Variants in B9D1 observed in about 807,000 individuals in gnomAD.
The protein encoded by B9D1 is B9 domain-containing protein 1.
In B9D1, 20 loss-of-function variants were observed where a neutral mutation model predicts 26.1. That is an observed-to-expected ratio of 0.77 (90% CI 0.54 to 1.12). B9D1 has a LOEUF of 1.12. Among genes scored for constraint, B9D1 ranks in the 50% most tolerant of loss-of-function variants. The pLI, the probability that B9D1 is intolerant of heterozygous loss-of-function variation, is 0.00. For missense variants in B9D1, 260 were observed against 273.7 expected (o/e 0.95, Z 0.35); for synonymous variants, 105 against 103.1 (o/e 1.02, Z -0.11).
chr17:19,349,760 T>C (rs1909341242), intron 3 of B9D1, among the ~76,000 whole-genome samples: 1 of 152,158 alleles, frequency 6.6e-6, no homozygotes, highest in African/African-American at 2.4e-5. Flanking sequence ...AGTGATGTCT[T>C]TGAATGAACA....
chr17:19,343,825 T>A lies in B9D1; in HGVS notation c.437A>T (p.Asp146Val). ...TTCACCCTGAGCCACCACCTTGGGG[T>A]CTGTGTACTCGGGCCGCCGCCCCAT... ...WFMGRRPEYT[D>V]PKVVAQGEGR... is the part of the protein sequence containing the mutation. The change falls in exon 6 of 7, where the codon GAC (aspartate) becomes GTC (valine). Residue 146 changes from aspartate to valine, a missense_variant. By Grantham distance (152) the Asp-to-Val change is radical. Transcript: ENST00000261499. 6.2e-7 allele frequency: 1 copy of A among 1,613,878 alleles called. No homozygotes were observed. Among genetic ancestry groups the A allele is most frequent in the Non-Finnish European group, 8.5e-7 (1 of 1,179,948 alleles).
intron 3 of B9D1, among the ~76,000 whole-genome samples, chr17:19,352,552 G>A (rs1288681683): frequency 7.3e-4 from 89 of 122,408 alleles, no homozygotes; most frequent in African/African-American, 2.3e-3. Flanking sequence ...ACGGAGTTTC[G>A]CTCTTGTTGC....
chr17:19,354,354 T>C (rs969297384), intron 3 of B9D1, among the ~76,000 whole-genome samples: 5 of 152,226 alleles, frequency 3.3e-5, no homozygotes, highest in African/African-American at 1.2e-4. Context: ...AATTTCAAAG[T>C]AAATCACAGA....
chr17:19,368,463 G>T (rs1342838037), intron 1 of B9D1, among the ~76,000 whole-genome samples: 1 of 152,110 alleles, frequency 6.6e-6, no homozygotes, highest in African/African-American at 2.4e-5. Flanking sequence ...TGGGCTGTTT[G>T]CTTAACCTCT....
intron 5 of B9D1, among the ~76,000 whole-genome samples, chr17:19,344,971 A>G (rs1465678734): frequency 6.6e-6 from 1 of 152,122 alleles, no homozygotes; most frequent in Non-Finnish European, 1.5e-5. Flanking sequence ...CACAGCACCC[A>G]CCTCACAAGA....
chr17:19,349,345 C>T (rs1277351885), intron 3 of B9D1, among the ~76,000 whole-genome samples: 1 of 151,872 alleles, frequency 6.6e-6, no homozygotes. Flanking sequence ...AGTCTCTTGC[C>T]CGGTTTTCTA....
chr17:19,377,796 T>G, intron 1 of B9D1: 1 of 979,780 alleles, frequency 1.0e-6, no homozygotes, highest in Non-Finnish European at 1.2e-6. Context: ...CCGCCTCGGT[T>G]AACTCCGCTG....
chr17:19,345,386 G>A (rs771674377), intron 5 of B9D1, among the ~76,000 whole-genome samples: 35 of 152,200 alleles, frequency 2.3e-4, no homozygotes, highest in Non-Finnish European at 4.9e-4. Context: ...CTGGAGGGGT[G>A]GCAGCAGGCT....
downstream of B9D1, among the ~76,000 whole-genome samples, chr17:19,338,724 G>A (rs1907666844): frequency 6.6e-6 from 1 of 152,172 alleles, no homozygotes; most frequent in Non-Finnish European, 1.5e-5. Flanking sequence ...GGCCACATGG[G>A]GGAGAACGGA....
At chr17:19,357,458 G>T in intron 3 of B9D1, 1 of 337,346 alleles carries the variant, frequency 3.0e-6, no homozygotes, top group Non-Finnish European at 5.8e-6. Context: ...AGCACAGGAG[G>T]AGAAAGTGCC....
intron 1 of B9D1, among the ~76,000 whole-genome samples, chr17:19,375,370 C>T (rs768398783): frequency 1.3e-5 from 2 of 151,904 alleles, no homozygotes; most frequent in Non-Finnish European, 2.9e-5. Context: ...GCCAATAAAC[C>T]GTGAAAACAT....
upstream of B9D1, among the ~76,000 whole-genome samples, chr17:19,366,317 G>A (rs1416544660): frequency 6.6e-6 from 1 of 151,972 alleles, no homozygotes; most frequent in Non-Finnish European, 1.5e-5. Context: ...TTGGCGCTGG[G>A]GTCTCCAGAT....
At chr17:19,337,456 G>C (rs1163605453), downstream of B9D1, 3 of 433,234 alleles carry the variant, frequency 6.9e-6, no homozygotes, top group Non-Finnish European at 1.3e-5. Context: ...GGACTGCCCT[G>C]CAGCCCTCTG....
downstream of B9D1, among the ~76,000 whole-genome samples, chr17:19,338,003 C>G (rs1907593593): frequency 6.6e-6 from 1 of 152,216 alleles, no homozygotes; most frequent in Non-Finnish European, 1.5e-5. Flanking sequence ...GTCTTCTTCT[C>G]AAACATAGAC....
Position 19,370,544 on chromosome 17 carries a change from G to A in B9D1, c.-298+7315C>T, listed in dbSNP as rs1911841279. ...GGGCGATGTCAGCCTCAGTGTGTTT[G>A]CTCAGCTGCTGGGCTCTCTTGGGAC... On this transcript the variant is annotated intron_variant, in intron 1 of 5. Transcript: ENST00000477478. This position sits in a 1 kb window ranked among gnomAD's most constrained non-coding sequence, Gnocchi z 5.1. 6.6e-6 allele frequency among the ~76,000 whole-genome samples: 1 copy of A among 152,226 alleles called. No homozygotes were observed. The highest frequency in any genetic ancestry group is 1.5e-5 in the Non-Finnish European group (1 of 68,034).
chr17:19,377,785 G>C (rs1017955167), intron 1 of B9D1: 71 of 973,302 alleles, frequency 7.3e-5, no homozygotes, highest in Middle Eastern at 1.1e-3. Context: ...AGGTTGGGCG[G>C]CCGCCTCGGT....
intron 3 of B9D1, among the ~76,000 whole-genome samples, chr17:19,348,388 C>T (rs1208808819): frequency 6.6e-6 from 1 of 152,160 alleles, no homozygotes; most frequent in Non-Finnish European, 1.5e-5. Flanking sequence ...GCTGTTTTTA[C>T]ACCCGCTTCG....
upstream of B9D1, among the ~76,000 whole-genome samples, chr17:19,367,601 TG>T (rs1911667503): frequency 1.3e-5 from 2 of 152,192 alleles, no homozygotes; most frequent in African/African-American, 2.4e-5. Context: ...CATGAGCCAC[TG>T]CACCCGGCCA....
upstream of B9D1, among the ~76,000 whole-genome samples, chr17:19,364,888 T>C (rs1911504158): frequency 6.6e-6 from 1 of 152,250 alleles, no homozygotes; most frequent in Admixed American, 6.5e-5. This position sits in a 1 kb window ranked among gnomAD's most constrained non-coding sequence, Gnocchi z 4.3. Flanking sequence ...GGCTGGAAGC[T>C]GGCTTGAGCA....
Sources: allele counts gnomAD v4.1 joint callset (sites outside exome capture counted in the v4.1 genomes callset), GRCh38; gene constraint gnomAD v4.1.1; non-coding constraint Gnocchi (gnomAD v3.1); transcripts MANE v1.5; gene names NCBI Gene and HGNC (gene_info 2026-07-23, HGNC 2026-07-21).